Variants in STYK1 observed in about 807,000 individuals in gnomAD.
STYK1 encodes tyrosine-protein kinase STYK1.
STYK1 carries 46 observed loss-of-function variants against 48.1 expected under a neutral mutation model. The ratio of observed to expected loss-of-function variants is 0.96; its 90% CI spans 0.75 to 1.22. STYK1 has a LOEUF of 1.22. Among genes scored for constraint, STYK1 ranks in the 50% most tolerant of loss-of-function variants. The pLI is 0.00. For missense variants in STYK1, 527 were observed against 521.1 expected (o/e 1.01, Z -0.11); for synonymous variants, 188 against 189.0 (o/e 0.99, Z 0.04).
chr12:10,621,652 G>C (rs886222484), intron 10 of STYK1, among the ~76,000 whole-genome samples: 1 of 152,054 alleles, frequency 6.6e-6, no homozygotes, highest in African/African-American at 2.4e-5. Flanking sequence ...GTGTGTGTAT[G>C]TGTGTGAGTA....
intron 1 of STYK1, among the ~76,000 whole-genome samples, chr12:10,659,029 A>G (rs1591701340): frequency 6.6e-6 from 1 of 152,156 alleles, no homozygotes; most frequent in East Asian, 1.9e-4. Context: ...CAGGTTTCTG[A>G]TAACTTTGGA....
rs1947375415 is a variant in STYK1, at chr12:10,627,735, AG to A, written c.634-12del. 7 of 1,595,678 alleles carry A rather than the reference AG, an allele frequency of 4.4e-6. No individual in the cohort carries two copies. The Admixed American group carries it at 1.3e-4, about 29-fold the overall frequency. ...CATAGTCATCACATCCTAAAGAGAC[AG>A]GGAAAAAAAGCCATTATATCAAAAT... On this transcript the variant is annotated splice_polypyrimidine_tract_variant and intron_variant, in intron 6 of 10. Coordinates refer to ENST00000075503, the MANE Select transcript of STYK1 (RefSeq NM_018423.3).
intron 2 of STYK1, among the ~76,000 whole-genome samples, chr12:10,635,864 C>T (rs1390154345): frequency 4.6e-5 from 7 of 152,196 alleles, no homozygotes; most frequent in Non-Finnish European, 1.0e-4. Context: ...CCATACCTCT[C>T]CTAAATTTAT....
At chr12:10,659,074 TG>T (rs1947748927) in intron 1 of STYK1, among the ~76,000 whole-genome samples, 1 of 152,308 alleles carries the variant, frequency 6.6e-6, no homozygotes, top group East Asian at 1.9e-4. Flanking sequence ...AAAACTTTCA[TG>T]ATTCTCACGG....
chr12:10,656,359 G>A (rs1947718313), intron 1 of STYK1, among the ~76,000 whole-genome samples: 1 of 151,562 alleles, frequency 6.6e-6, no homozygotes, highest in Non-Finnish European at 1.5e-5. Flanking sequence ...GAGTGCGGTG[G>A]CTCACACCTG....
chr12:10,663,425 C>A (rs762807850), intron 1 of STYK1, among the ~76,000 whole-genome samples: 8 of 151,752 alleles, frequency 5.3e-5, no homozygotes, highest in Non-Finnish European at 1.0e-4. Context: ...ACAGTGAAAC[C>A]CGTCTCTACT....
At chr12:10,643,461 T>C (rs1190167813) in intron 1 of STYK1, among the ~76,000 whole-genome samples, 1 of 152,232 alleles carries the variant, frequency 6.6e-6, no homozygotes, top group Admixed American at 6.5e-5. Flanking sequence ...GAACTGTCCA[T>C]TCAAGACAGC....
chr12:10,634,056 G>A lies in STYK1; in HGVS notation c.121C>T (p.Leu41Phe). The A allele has an allele frequency of 6.2e-7, 1 of 1,614,150 alleles. No homozygotes were observed. Among genetic ancestry groups the A allele is most frequent in the Non-Finnish European group, 8.5e-7 (1 of 1,180,024 alleles). Residue 41 changes from leucine (L) to phenylalanine (F), a missense_variant, in exon 4 of 11, where the codon CTT (leucine) becomes TTT (phenylalanine). Leu to Phe is a conservative substitution (Grantham distance 22). Coordinates refer to ENST00000075503, the MANE Select transcript of STYK1 (RefSeq NM_018423.3). The stretch of plus-strand genomic sequence containing the variant: ...ATAAAAAGCCACAGGATGACCCCAA[G>A]AAGGATGAGGAAGATAGTAACCAAC... ...TLLVTIFLIL[L>F]GVILWLFIRE...
At chr12:10,661,314 G>A (rs1947774422) in intron 1 of STYK1, among the ~76,000 whole-genome samples, 1 of 151,960 alleles carries the variant, frequency 6.6e-6, no homozygotes, top group African/African-American at 2.4e-5. Flanking sequence ...ATAATTTTGG[G>A]CCTTTTCCCA....
chr12:10,656,235 G>T (rs899456278), intron 1 of STYK1, among the ~76,000 whole-genome samples: 2 of 152,168 alleles, frequency 1.3e-5, no homozygotes, highest in Non-Finnish European at 2.9e-5. Context: ...CACAATGATT[G>T]TGAGGCCTCC....
At chr12:10,654,155 A>AC (rs1315078896) in intron 1 of STYK1, among the ~76,000 whole-genome samples, 1 of 151,826 alleles carries the variant, frequency 6.6e-6, no homozygotes, top group Non-Finnish European at 1.5e-5. Flanking sequence ...TACAAATGCC[A>AC]CAGAAACATC....
intron 1 of STYK1, among the ~76,000 whole-genome samples, chr12:10,648,901 A>T (rs1259817457): frequency 6.6e-6 from 1 of 152,130 alleles, no homozygotes; most frequent in Non-Finnish European, 1.5e-5. Flanking sequence ...TTTATTCCCT[A>T]AATAGTTTTA....
Position 10,646,416 on chromosome 12 carries a change from G to C in STYK1, c.-194-9220C>G, listed in dbSNP as rs138883308. Among the ~76,000 whole-genome samples the C allele has an allele frequency of 4.8e-3, 730 of 152,334 alleles. 6 individuals carry two copies. The highest frequency in any genetic ancestry group is 0.016 in the African/African-American group (665 of 41,584). Reference sequence around the variant, plus strand: ...GCATTTGCCCCTGCCCTAGAGATCTGTAGAACTTTGAACTTGAGGGAGATG... The same window carrying C: ...GCATTTGCCCCTGCCCTAGAGATCTCTAGAACTTTGAACTTGAGGGAGATG... On this transcript the variant is annotated intron_variant, in intron 1 of 10. Transcript: ENST00000075503.
intron 1 of STYK1, among the ~76,000 whole-genome samples, chr12:10,646,030 C>G (rs1318485978): frequency 6.6e-6 from 1 of 152,188 alleles, no homozygotes; most frequent in East Asian, 1.9e-4. Context: ...GTCCATTAAA[C>G]CTCTTTCTTT....
chr12:10,635,926 C>T (rs967826386), intron 2 of STYK1, among the ~76,000 whole-genome samples: 22 of 152,300 alleles, frequency 1.4e-4, no homozygotes, highest in South Asian at 4.1e-4. Flanking sequence ...TCAACAAAGC[C>T]TACTTCTTTA....
intron 1 of STYK1, among the ~76,000 whole-genome samples, chr12:10,661,291 T>C (rs994379485): frequency 6.6e-6 from 1 of 152,184 alleles, no homozygotes; most frequent in Non-Finnish European, 1.5e-5. Flanking sequence ...CTCCTCCATA[T>C]GTCCCCTCTA....
rs760365301 is a variant in STYK1, at chr12:10,622,657, G to C, written c.948C>G (p.Leu316=). 7.4e-6 allele frequency: 12 copies of C among 1,613,852 alleles called. 1 individual carries two copies. The Admixed American group carries it at 1.2e-4, about 16-fold the overall frequency. The change falls in exon 9 of 11, where the codon CTC becomes CTG. Residue 316 remains leucine, a synonymous_variant. Coordinates refer to ENST00000075503, the MANE Select transcript of STYK1 (RefSeq NM_018423.3). The part of the protein sequence containing the change: ...RADVWSFGIL[L]YEMVTLGAPP... ...CCTTACCTAGAGTCACCATCTCATA[G>C]AGCAGGATCCCAAAAGACCAGCTGT... is the stretch of plus-strand genomic sequence containing the variant.
At chr12:10,658,117 A>G (rs1947738054) in intron 1 of STYK1, among the ~76,000 whole-genome samples, 1 of 152,210 alleles carries the variant, frequency 6.6e-6, no homozygotes, top group South Asian at 2.1e-4. Context: ...GGTCTTATTC[A>G]GTTTTTCTGT....
intron 10 of STYK1, among the ~76,000 whole-genome samples, chr12:10,620,966 A>T (rs1189258294): frequency 6.6e-6 from 1 of 152,076 alleles, no homozygotes; most frequent in African/African-American, 2.4e-5. Context: ...TTTCTATTGT[A>T]CCTAGCTCCA....
Sources: gnomAD v4.1 joint callset for allele counts (sites outside exome capture counted in the v4.1 genomes callset) on GRCh38, gnomAD v4.1.1 for gene constraint, MANE v1.5 for transcripts, NCBI Gene and HGNC (gene_info 2026-07-23, HGNC 2026-07-21) for gene names.